Variants in DZIP1 observed in about 807,000 individuals in gnomAD.
The protein encoded by DZIP1 is DAZ interacting zinc finger protein 1, also known as cilium assembly protein DZIP1.
Under a neutral mutation model 107.6 loss-of-function variants are expected in DZIP1, and 97 were observed. The observed-to-expected ratio is 0.90, with a 90% CI of 0.77 to 1.07. The LOEUF (loss-of-function observed/expected upper bound fraction) is 1.07. Ranked by LOEUF, DZIP1 falls within the 50% of genes least tolerant of loss-of-function variation. The pLI is 0.00. For missense variants in DZIP1, 1,035 were observed against 1,063.6 expected (o/e 0.97, Z 0.37); for synonymous variants, 390 against 386.4 (o/e 1.01, Z -0.11).
chr13:95,625,760 A>G (rs1876461863), intron 7 of DZIP1, among the ~76,000 whole-genome samples: 2 of 152,152 alleles, frequency 1.3e-5, no homozygotes, highest in Admixed American at 1.3e-4. Context: ...AACACAACAT[A>G]CCAAGATTCA....
Position 95,624,846 on chromosome 13 carries a change from A to G in DZIP1, c.894T>C (p.Val298=). Residue 298 remains valine, a synonymous_variant, in exon 8 of 23, where the codon GTT becomes GTC. Transcript: ENST00000376829. ...TCTCCTTGACTTTTTCCATTTCATC[A>G]ACTAGTTTCTCCTTTTCTTCTTCTT... is the stretch of plus-strand genomic sequence containing the variant. ...RWKEEEKEKL[V]DEMEKVKEMF... 6.2e-7 allele frequency: 1 copy of G among 1,612,540 alleles called. No homozygotes were observed. The highest frequency in any genetic ancestry group is 1.7e-5 in the Admixed American group (1 of 59,918).
chr13:95,611,407 T>G, intron 12 of DZIP1, 38 bp downstream of exon 12: 1 of 1,579,308 alleles, frequency 6.3e-7, no homozygotes, highest in South Asian at 1.1e-5. Flanking sequence ...ATTGGGGAGG[T>G]TCCCCTTGCC....
At chr13:95,630,917 G>A (rs1350716338) in intron 6 of DZIP1, 6 of 344,646 alleles carry the variant, frequency 1.7e-5, no homozygotes, top group South Asian at 4.4e-5. Context: ...GTTTCACGCT[G>A]AAGAATGGTA....
chr13:95,633,632 T>C (rs1192877956), intron 5 of DZIP1, among the ~76,000 whole-genome samples: 1 of 147,586 alleles, frequency 6.8e-6, no homozygotes, highest in African/African-American at 2.5e-5. Context: ...TGAGCTGAGA[T>C]TGCACCACTG....
chr13:95,606,883 G>C (rs747515485), intron 13 of DZIP1, among the ~76,000 whole-genome samples: 8 of 152,060 alleles, frequency 5.3e-5, no homozygotes, highest in Non-Finnish European at 1.2e-4. Flanking sequence ...TCCAATATTT[G>C]ACAATTCTTA....
intron 1 of DZIP1, among the ~76,000 whole-genome samples, chr13:95,643,962 T>C (rs1388313885): frequency 2.0e-5 from 3 of 152,142 alleles, no homozygotes; most frequent in Admixed American, 6.5e-5. Context: ...CCCATCTCCG[T>C]TGGCCGCCAC....
chr13:95,597,828 G>A (rs1241830369), intron 15 of DZIP1, among the ~76,000 whole-genome samples: 5 of 152,190 alleles, frequency 3.3e-5, no homozygotes, highest in Non-Finnish European at 7.3e-5. Context: ...AAATTGTGTA[G>A]AGATTGCACT....
chr13:95,587,915 T>C (rs1594643945), intron 19 of DZIP1, 186 bp from the exon 20 acceptor site: 7 of 610,172 alleles, frequency 1.1e-5, no homozygotes, highest in Middle Eastern at 4.5e-4. Flanking sequence ...TGTAGCATCC[T>C]CCCACGCCCA....
At chr13:95,619,517 A>G (rs1875554655) in intron 10 of DZIP1, among the ~76,000 whole-genome samples, 1 of 152,226 alleles carries the variant, frequency 6.6e-6, no homozygotes, top group Non-Finnish European at 1.5e-5. Flanking sequence ...ATACCAATGC[A>G]TCGTAAAACC....
rs2043990463 is a variant in DZIP1 at position 95,579,926 on chromosome 13, G to A, written c.*2308C>T. On this transcript the variant is annotated 3_prime_UTR_variant, in exon 23 of 23. Coordinates refer to ENST00000376829, the MANE Select transcript of DZIP1 (RefSeq NM_198968.4). ...GCTTAGATTACACCGAAGAATTTAG[G>A]GAGGGTGGGGGATGAAGGTCTGTTA... 1.3e-5 allele frequency: 2 copies of A among 152,158 alleles called. No homozygotes were observed. Among genetic ancestry groups the A allele is most frequent in the South Asian group, 4.2e-4 (2 of 4,816 alleles). 9.4% of individuals were successfully genotyped at this position (152,158 alleles called of 1,614,324 possible). A position where few individuals can be genotyped will look rare whatever the true frequency, so the allele number is the denominator to read the frequency against.
At chr13:95,626,408 A>G (rs987434741) in intron 7 of DZIP1, among the ~76,000 whole-genome samples, 9 of 152,218 alleles carry the variant, frequency 5.9e-5, no homozygotes, top group Non-Finnish European at 1.2e-4. Flanking sequence ...GGATTGTAAG[A>G]GAATATAATG....
At chr13:95,638,006 A>T in intron 5 of DZIP1, among the ~76,000 whole-genome samples, 1 of 150,876 alleles carries the variant, frequency 6.6e-6, no homozygotes, top group Non-Finnish European at 1.5e-5. Context: ...AGGGAAAATT[A>T]TTTATTTCTA....
intron 10 of DZIP1, among the ~76,000 whole-genome samples, chr13:95,618,614 T>G (rs1322783099): frequency 6.6e-6 from 1 of 152,224 alleles, no homozygotes; most frequent in Non-Finnish European, 1.5e-5. Context: ...TCTAGTATTG[T>G]TCCCAGTTTC....
intron 14 of DZIP1, among the ~76,000 whole-genome samples, chr13:95,601,129 G>A (rs572148092): frequency 1.3e-5 from 2 of 152,240 alleles, no homozygotes; most frequent in East Asian, 3.9e-4. Flanking sequence ...CTAGAGTCAG[G>A]ATAAACTGCC....
intron 7 of DZIP1, 35 bp downstream of exon 7, chr13:95,629,954 T>C: frequency 1.3e-6 from 2 of 1,565,232 alleles, no homozygotes; most frequent in Middle Eastern, 1.7e-4. Context: ...ATACAGTTAA[T>C]TGTAATTAAA....
rs369148191 is a variant in DZIP1, at chr13:95,582,287, A to G, written c.2551T>C (p.Leu851=). The G allele has an allele frequency of 3.7e-6, 6 of 1,614,066 alleles. No homozygotes were observed. In the African/African-American group the frequency reaches 8.0e-5, roughly 22 times the overall value. ...EGLQENESST[L]KSSLVTVTDW... is the part of the protein sequence containing the mutation. The stretch of plus-strand genomic sequence containing the variant: ...GTCACAGTTACTAAGCTGCTTTTTA[A>G]TGTGCTTGATTCATTTTCTTGAAGT... Residue 851 remains leucine, a synonymous_variant, in exon 23 of 23, where the codon TTA becomes CTA. Coordinates refer to ENST00000376829, the MANE Select transcript of DZIP1 (RefSeq NM_198968.4).
chr13:95,617,655 C>T (rs1287418929), intron 10 of DZIP1, among the ~76,000 whole-genome samples: 1 of 135,930 alleles, frequency 7.4e-6, no homozygotes, highest in Admixed American at 8.1e-5. Flanking sequence ...AGCAGAAAGT[C>T]ATCATAGCTG....
chr13:95,630,003 C>T lies in DZIP1; in HGVS notation c.796G>A (p.Val266Ile), dbSNP rs374150185. Reference protein sequence around the residue: ...ELEAAHHASAVRFSKEYEMQK... With the variant: ...ELEAAHHASAIRFSKEYEMQK... ...CTGCCTGGTACCTTGGAGAATCTGA[C>T]TGCACTGGCATGGTGTGCAGCCTCT... is the stretch of plus-strand genomic sequence containing the variant. The change falls in exon 7 of 23, where the codon GTC becomes ATC. Residue 266 changes from valine to isoleucine, a missense_variant. Transcript: ENST00000376829. 6 of 1,604,618 alleles carry T rather than the reference C, an allele frequency of 3.7e-6. No individual in the cohort carries two copies. Among genetic ancestry groups the T allele is most frequent in the Non-Finnish European group, 5.1e-6 (6 of 1,177,352 alleles).
At chr13:95,590,982 T>C (rs1400992834) in intron 16 of DZIP1, among the ~76,000 whole-genome samples, 1 of 150,846 alleles carries the variant, frequency 6.6e-6, no homozygotes, top group Non-Finnish European at 1.5e-5. Flanking sequence ...AAGGTTATTC[T>C]ACAAGGAACA....
Sources: allele counts gnomAD v4.1 joint callset (sites outside exome capture counted in the v4.1 genomes callset), GRCh38; gene constraint gnomAD v4.1.1; transcripts MANE v1.5; gene names NCBI Gene and HGNC (gene_info 2026-07-23, HGNC 2026-07-21).